PHACTR2: variants seen among roughly 807,000 people sequenced by gnomAD.
PHACTR2 encodes phosphatase and actin regulator 2.
A neutral mutation model predicts 76.0 loss-of-function variants in PHACTR2; 30 were observed. The ratio of observed to expected loss-of-function variants is 0.39; its 90% CI spans 0.30 to 0.54. The LOEUF is 0.54. Ranked by LOEUF, PHACTR2 falls within the 20% of genes least tolerant of loss-of-function variation. PHACTR2 has a pLI of 0.61. For synonymous variants in PHACTR2, 292 were observed against 292.5 expected, an observed-to-expected ratio of 1.00 and a Z score of 0.02; for missense variants, 696 against 781.1, an observed-to-expected ratio of 0.89 and a Z score of 1.30.
At chr6:143,644,056 A>G (rs1582730113) in intron 1 of PHACTR2, among the ~76,000 whole-genome samples, 1 of 152,224 alleles carries the variant, frequency 6.6e-6, no homozygotes, top group East Asian at 1.9e-4. Flanking sequence ...TAAATAAAAT[A>G]CAATTTTAAG....
chr6:143,809,854 G>A lies in PHACTR2; in HGVS notation c.1922+2721G>A, dbSNP rs1776140631. 6.6e-6 allele frequency among the ~76,000 whole-genome samples: 1 copy of A among 152,130 alleles called. No homozygotes were observed. The highest frequency in any genetic ancestry group is 2.4e-5 in the African/African-American group (1 of 41,426). On this transcript the variant is annotated intron_variant, in intron 12 of 12. Coordinates refer to ENST00000440869, the MANE Select transcript of PHACTR2 (RefSeq NM_001100164.2). The surrounding 1 kb of genome is among the most constrained non-coding windows in gnomAD (Gnocchi z 4.2). Reference sequence around the variant, plus strand: ...CAGCTGGATGCAGTGGCTCAGGCCTGTAATCCCGGCACTTGGGGAGGCCGA... The same window carrying A: ...CAGCTGGATGCAGTGGCTCAGGCCTATAATCCCGGCACTTGGGGAGGCCGA...
rs547531320 is a variant in PHACTR2 at position 143,738,820 on chromosome 6, T to C, written c.215-10165T>C. ...ATGGAAATGTCTTCATTTAGGATGC[T>C]TTAGTGTCACTAAGATTTCTTTTCT... On this transcript the variant is annotated intron_variant, in intron 2 of 12. Transcript: ENST00000440869. This position sits in a 1 kb window ranked among gnomAD's most constrained non-coding sequence, Gnocchi z 4.0. Among the ~76,000 whole-genome samples, 3 of 152,292 alleles carry C rather than the reference T, an allele frequency of 2.0e-5. No homozygotes were observed. Among genetic ancestry groups the C allele is most frequent in the Non-Finnish European group, 4.4e-5 (3 of 68,006 alleles).
rs181048448 is a variant in PHACTR2 at position 143,764,981 on chromosome 6, C to A, written c.695-280C>A. Among the ~76,000 whole-genome samples, 4 of 152,244 alleles carry A rather than the reference C, an allele frequency of 2.6e-5. No individual in the cohort carries two copies. In the East Asian group the frequency reaches 7.7e-4, roughly 29 times the overall value. ...AACCATAGACAAGGGGCAGAAGATT[C>A]TCCCTTTGGCTGGCTCAGCTAAAGA... On this transcript the variant is annotated intron_variant, in intron 5 of 12. Transcript: ENST00000440869. The surrounding 1 kb of genome is among the most constrained non-coding windows in gnomAD (Gnocchi z 4.7).
Position 143,684,230 on chromosome 6 carries a change from A to G in PHACTR2, c.46+6021A>G, listed in dbSNP as rs1158002222. ...ACTTGCTGGGCATCCCAGAGGTAAC[A>G]TGGATCTAATGGAAGGTTTGATTTT... On this transcript the variant is annotated intron_variant, in intron 1 of 12. Coordinates refer to ENST00000440869, the MANE Select transcript of PHACTR2 (RefSeq NM_001100164.2). The surrounding 1 kb of genome is among the most constrained non-coding windows in gnomAD (Gnocchi z 4.3). 1.3e-5 allele frequency among the ~76,000 whole-genome samples: 2 copies of G among 152,152 alleles called. No homozygotes were observed. The highest frequency in any genetic ancestry group is 6.5e-5 in the Admixed American group (1 of 15,272).
intron 11 of PHACTR2, 84 bp downstream of exon 11, chr6:143,788,994 C>A: frequency 7.9e-7 from 1 of 1,271,472 alleles, no homozygotes; most frequent in Admixed American, 1.8e-5. Context: ...TAAGTCATCC[C>A]AGGGGACGAG....
In PHACTR2 at chr6:143,546,875, A is replaced by G. The variant is rs533113545; in HGVS notation, c.217+9668A>G. Among the ~76,000 whole-genome samples the G allele has an allele frequency of 1.4e-5, 2 of 147,738 alleles. No homozygotes were observed. The highest frequency in any genetic ancestry group is 2.2e-4 in the South Asian group (1 of 4,488). On this transcript the variant is annotated intron_variant, in intron 1 of 11. Coordinates refer to the PHACTR2 transcript ENST00000367584. The surrounding 1 kb of genome is among the most constrained non-coding windows in gnomAD (Gnocchi z 4.9). ...ACCCCATCTCAAAAAAAAAAAAAAT[A>G]AAAAATAAAAAATTAGCCAGGTGAA...
chr6:143,768,698 T>C (rs1175262020), intron 6 of PHACTR2, among the ~76,000 whole-genome samples: 1 of 152,164 alleles, frequency 6.6e-6, no homozygotes, highest in Non-Finnish European at 1.5e-5. Context: ...ACCAAAGAGG[T>C]AAGCATCTGT....
At chr6:143,607,749 C>A (rs762766375), upstream of PHACTR2, among the ~76,000 whole-genome samples, 1 of 152,158 alleles carries the variant, frequency 6.6e-6, no homozygotes, top group Non-Finnish European at 1.5e-5. Flanking sequence ...TACTCCCTGC[C>A]TCCTCCCCCA....
chr6:143,744,488 T>A (rs184560174), intron 2 of PHACTR2, among the ~76,000 whole-genome samples: 1 of 152,076 alleles, frequency 6.6e-6, no homozygotes, highest in African/African-American at 2.4e-5. Flanking sequence ...AAAGAAGAGA[T>A]AAAGTTGGGA....
At chr6:143,718,632 A>C (rs1201016014) in intron 2 of PHACTR2, among the ~76,000 whole-genome samples, 2 of 152,212 alleles carry the variant, frequency 1.3e-5, no homozygotes, top group South Asian at 2.1e-4. Flanking sequence ...CTCAGTGCAC[A>C]TGTAGAAAAA....
intron 2 of PHACTR2, among the ~76,000 whole-genome samples, chr6:143,718,917 C>G (rs927803643): frequency 7.2e-6 from 1 of 139,784 alleles, no homozygotes; most frequent in Admixed American, 7.9e-5. Context: ...GAGTCTCGCT[C>G]TGTCATCCAA....
In PHACTR2 at chr6:143,602,140, C is replaced by A. The variant is rs772720204; in HGVS notation, c.217+64933C>A. On this transcript the variant is annotated intron_variant, in intron 1 of 11. Transcript: ENST00000367584. The surrounding 1 kb of genome is among the most constrained non-coding windows in gnomAD (Gnocchi z 6.1). Reference sequence around the variant, plus strand: ...ACATTAGTTCCTTTAGTTTTGTTTTCACTCTCGCTCTCCCCCTCCCTAATA... The same window carrying A: ...ACATTAGTTCCTTTAGTTTTGTTTTAACTCTCGCTCTCCCCCTCCCTAATA... Among the ~76,000 whole-genome samples, 8 of 152,118 alleles carry A rather than the reference C, an allele frequency of 5.3e-5. No homozygotes were observed. The highest frequency in any genetic ancestry group is 1.0e-4 in the Non-Finnish European group (7 of 68,020).
At chr6:143,640,156 A>G (rs1776539742) in intron 1 of PHACTR2, among the ~76,000 whole-genome samples, 1 of 152,262 alleles carries the variant, frequency 6.6e-6, no homozygotes, top group Non-Finnish European at 1.5e-5. Flanking sequence ...CCAGTTGTAT[A>G]TAAGTGTAGC....
intron 1 of PHACTR2, among the ~76,000 whole-genome samples, chr6:143,620,326 G>A (rs975457067): frequency 4.0e-5 from 6 of 151,788 alleles, no homozygotes; most frequent in African/African-American, 1.5e-4. Flanking sequence ...ATGGAACCTC[G>A]AAACTACAAA....
At position 143,596,305 on chromosome 6, in the gene PHACTR2, C is replaced by T. The variant is rs573544397; in HGVS notation, c.217+59098C>T. On this transcript the variant is annotated intron_variant, in intron 1 of 11. Transcript: ENST00000367584. This position sits in a 1 kb window ranked among gnomAD's most constrained non-coding sequence, Gnocchi z 4.6. Reference sequence around the variant, plus strand: ...TATGTTCTGTTTTCCAAGTTGGGAGCGGCTAACTAAGCGGGTCGTCCTTTC... The same window carrying T: ...TATGTTCTGTTTTCCAAGTTGGGAGTGGCTAACTAAGCGGGTCGTCCTTTC... Among the ~76,000 whole-genome samples the T allele has an allele frequency of 5.3e-5, 8 of 151,774 alleles. No homozygotes were observed. The East Asian group carries it at 7.8e-4, about 15-fold the overall frequency.
intron 12 of PHACTR2, among the ~76,000 whole-genome samples, chr6:143,813,617 CAAAAAAAA>C (rs373797909): frequency 2.2e-3 from 138 of 63,134 alleles, no homozygotes; most frequent in Admixed American, 8.6e-3. Context: ...GACTCCGCCT[CAAAAAAAA>C]AAAAAAAAAA....
Position 143,561,238 on chromosome 6 carries a change from C to T in PHACTR2, c.217+24031C>T, listed in dbSNP as rs1163365577. 1.3e-5 allele frequency: 2 copies of T among 152,254 alleles called. No homozygotes were observed. The highest frequency in any genetic ancestry group is 4.8e-5 in the African/African-American group (2 of 41,446). The allele number at this position is 152,254 out of a possible 1,614,324, so 9.4% of individuals were successfully genotyped here. A position where few individuals can be genotyped will look rare whatever the true frequency, so the allele number is the denominator to read the frequency against. ...GTTCTGCCCCTCTGAGCTCATTTCC[C>T]CTCCTCACCCTGTGATGACAGTCTT... On this transcript the variant is annotated intron_variant, in intron 1 of 11. Coordinates refer to the PHACTR2 transcript ENST00000367584. The surrounding 1 kb of genome is among the most constrained non-coding windows in gnomAD (Gnocchi z 4.1).
At chr6:143,763,549 G>C (rs1424827895) in intron 5 of PHACTR2, among the ~76,000 whole-genome samples, 2 of 152,146 alleles carry the variant, frequency 1.3e-5, no homozygotes, top group Non-Finnish European at 2.9e-5. Flanking sequence ...TGACTTCTAG[G>C]CTAGGGAAGG....
intron 2 of PHACTR2, 55 bp from the exon 3 acceptor site, chr6:143,748,930 C>T: frequency 1.1e-6 from 1 of 919,340 alleles, no homozygotes; most frequent in Non-Finnish European, 1.7e-6. Flanking sequence ...GAATGTTTTT[C>T]ATAATTATCT....
Sources: allele counts gnomAD v4.1 joint callset (sites outside exome capture counted in the v4.1 genomes callset), GRCh38; gene constraint gnomAD v4.1.1; non-coding constraint Gnocchi (gnomAD v3.1); transcripts MANE v1.5; gene names NCBI Gene and HGNC (gene_info 2026-07-23, HGNC 2026-07-21).